The following DYRK1A variants were observed in gnomAD, a reference collection of about 807,000 sequenced individuals.
DYRK1A encodes dual specificity tyrosine phosphorylation regulated kinase 1A, also known as dual specificity tyrosine-phosphorylation-regulated kinase 1A.
DYRK1A carries 9 observed loss-of-function variants against 79.7 expected under a neutral mutation model. The ratio of observed to expected loss-of-function variants is 0.11; its 90% CI spans 0.07 to 0.20. DYRK1A has a LOEUF of 0.20. DYRK1A is among the 10% of genes least tolerant of loss of function. DYRK1A has a pLI of 1.00. For synonymous variants in DYRK1A, 349 were observed against 329.7 expected (o/e 1.06, Z -0.63); for missense variants, 622 against 956.0 (o/e 0.65, Z 4.61).
intron 1 of DYRK1A, among the ~76,000 whole-genome samples, chr21:37,402,964 A>G (rs1287778248): frequency 1.3e-5 from 2 of 152,030 alleles, no homozygotes; most frequent in African/African-American, 4.8e-5. Context: ...GGTTTTCACC[A>G]TGTTGGACAG....
intron 1 of DYRK1A, among the ~76,000 whole-genome samples, chr21:37,403,787 T>C (rs1203786730): frequency 1.3e-5 from 2 of 150,576 alleles, no homozygotes; most frequent in East Asian, 3.9e-4. Context: ...TTGGAACTTT[T>C]GATGAATACT....
intron 2 of DYRK1A, among the ~76,000 whole-genome samples, chr21:37,423,896 A>T (rs573324602): frequency 6.6e-6 from 1 of 152,308 alleles, no homozygotes; most frequent in Non-Finnish European, 1.5e-5. Flanking sequence ...GAATTTAAGT[A>T]CTTAAAACCG....
chr21:37,478,374 C>T (rs1308568026), intron 4 of DYRK1A, 74 bp downstream of exon 4: 1 of 1,409,620 alleles, frequency 7.1e-7, no homozygotes, highest in East Asian at 2.4e-5. Context: ...CCTATTTACC[C>T]TAAACTTTTT....
rs956048505 is a variant in DYRK1A at position 37,515,709 on chromosome 21, G to C, written c.*3178G>C. 4 of 152,074 alleles carry C rather than the reference G, an allele frequency of 2.6e-5. No homozygotes were observed. Among genetic ancestry groups the C allele is most frequent in the Non-Finnish European group, 5.9e-5 (4 of 68,026 alleles). The allele number at this position is 152,074 out of a possible 1,614,324, so 9.4% of individuals were successfully genotyped here. A position where few individuals can be genotyped will look rare whatever the true frequency, so the allele number is the denominator to read the frequency against. ...AGATGCTTATTTAAAAGTTAAGCGT[G>C]AATCTGTAAAATTAAGGTTGGTTGC... is the stretch of plus-strand genomic sequence containing the variant. On this transcript the variant is annotated 3_prime_UTR_variant, in exon 12 of 12. Transcript: ENST00000647188.
chr21:37,497,291 G>A lies in DYRK1A; in HGVS notation c.1212+1033G>A, dbSNP rs184252916. Among the ~76,000 whole-genome samples, 111 of 152,240 alleles carry A rather than the reference G, an allele frequency of 7.3e-4. 1 individual carries two copies. The highest frequency in any genetic ancestry group is 2.5e-3 in the Admixed American group (39 of 15,296). ...AATATTTAAAAGCACATACGTAGTT[G>A]TATCTTTCAAAACTGATTTGTAAGT... On this transcript the variant is annotated intron_variant, in intron 9 of 11. Coordinates refer to ENST00000647188, the MANE Select transcript of DYRK1A (RefSeq NM_001347721.2).
intron 1 of DYRK1A, among the ~76,000 whole-genome samples, chr21:37,370,367 A>G (rs948334665): frequency 1.3e-5 from 2 of 151,910 alleles, no homozygotes; most frequent in Non-Finnish European, 2.9e-5. Context: ...ATGGTTGACA[A>G]GTATCTAGTT....
intron 9 of DYRK1A, among the ~76,000 whole-genome samples, chr21:37,498,356 T>C (rs1362139994): frequency 6.6e-6 from 1 of 152,238 alleles, no homozygotes. Context: ...TCTTGTGACC[T>C]TTTCTGTTAT....
intron 2 of DYRK1A, among the ~76,000 whole-genome samples, chr21:37,424,742 A>G (rs1024562408): frequency 2.0e-5 from 3 of 152,182 alleles, no homozygotes; most frequent in Non-Finnish European, 4.4e-5. Flanking sequence ...TTTTTAAAGC[A>G]CTAATACCTG....
intron 9 of DYRK1A, chr21:37,505,053 C>G (rs1425149235): frequency 2.0e-6 from 1 of 499,184 alleles, no homozygotes; most frequent in Non-Finnish European, 3.5e-6. Context: ...GTTTACTGAC[C>G]CCTGGGCTAA....
intron 2 of DYRK1A, among the ~76,000 whole-genome samples, chr21:37,436,202 T>G (rs2050919691): frequency 6.6e-6 from 1 of 152,188 alleles, no homozygotes; most frequent in East Asian, 1.9e-4. Context: ...CCCATAGAAT[T>G]TGTGTTAAGG....
chr21:37,373,222 A>G (rs1602351345), intron 1 of DYRK1A, among the ~76,000 whole-genome samples: 1 of 152,166 alleles, frequency 6.6e-6, no homozygotes, highest in South Asian at 2.1e-4. Context: ...CCTGCCCAGG[A>G]TTTTGAGAAT....
intron 2 of DYRK1A, among the ~76,000 whole-genome samples, chr21:37,466,601 A>T (rs2052033203): frequency 1.3e-5 from 2 of 152,182 alleles, no homozygotes; most frequent in Non-Finnish European, 2.9e-5. Context: ...TGATGCAGAG[A>T]AGGCTTGGTG....
At chr21:37,378,061 C>T (rs1204493195) in intron 1 of DYRK1A, among the ~76,000 whole-genome samples, 1 of 152,170 alleles carries the variant, frequency 6.6e-6, no homozygotes, top group East Asian at 1.9e-4. Context: ...TCAAATCTCA[C>T]CAACACTGTT....
At chr21:37,497,031 T>C (rs2053290439) in intron 9 of DYRK1A, among the ~76,000 whole-genome samples, 1 of 152,192 alleles carries the variant, frequency 6.6e-6, no homozygotes, top group Non-Finnish European at 1.5e-5. Context: ...AAATATGTGA[T>C]TGAATATGAC....
intron 2 of DYRK1A, among the ~76,000 whole-genome samples, chr21:37,470,060 C>T (rs1223765853): frequency 6.6e-6 from 1 of 152,134 alleles, no homozygotes; most frequent in Non-Finnish European, 1.5e-5. Flanking sequence ...AGGAGAATGG[C>T]GTGAACCTGG....
Position 37,480,826 on chromosome 21 carries a change from G to A in DYRK1A, c.489G>A (p.Gln163=). Residue 163 remains glutamine (Q), a splice_region_variant and synonymous_variant, in exon 5 of 12, where the codon CAG becomes CAA. Transcript: ENST00000647188. ...DSLIGKGSFG[Q]VVKAYDRVEQ... ...TGATAGGCAAAGGTTCCTTTGGACA[G>A]GTAATTTAATGGAAAATGCTGAATT... 1 of 1,575,414 alleles carries A rather than the reference G, an allele frequency of 6.3e-7. No individual in the cohort carries two copies. The highest frequency in any genetic ancestry group is 8.6e-7 in the Non-Finnish European group (1 of 1,164,510).
In DYRK1A at chr21:37,405,760, A is replaced by G. The variant is rs188607070; in HGVS notation, c.-76-14539A>G. On this transcript the variant is annotated intron_variant, in intron 1 of 11. Transcript: ENST00000647188. ...CATGGTGTATGGTGTGTGCGTAGTC[A>G]TACATTAGTGTGATTTTTGTCTGTT... 4.3e-4 allele frequency among the ~76,000 whole-genome samples: 66 copies of G among 152,304 alleles called. 1 individual carries two copies. The East Asian group carries it at 6.6e-3, about 15-fold the overall frequency.
intron 1 of DYRK1A, among the ~76,000 whole-genome samples, chr21:37,395,695 C>T (rs2049948472): frequency 6.6e-6 from 1 of 152,056 alleles, no homozygotes; most frequent in Non-Finnish European, 1.5e-5. Context: ...TCTTTGGAAA[C>T]CTTAGGATGT....
At chr21:37,372,100 T>C (rs1016755788) in intron 1 of DYRK1A, among the ~76,000 whole-genome samples, 4 of 152,080 alleles carry the variant, frequency 2.6e-5, no homozygotes, top group Non-Finnish European at 4.4e-5. Context: ...TAAAATGTTA[T>C]GGACATGTAT....
Sources: gnomAD v4.1 joint callset for allele counts (sites outside exome capture counted in the v4.1 genomes callset) on GRCh38, gnomAD v4.1.1 for gene constraint, MANE v1.5 for transcripts, NCBI Gene and HGNC (gene_info 2026-07-23, HGNC 2026-07-21) for gene names.